The following KIF16B variants were observed in gnomAD, a reference collection of about 807,000 sequenced individuals.
KIF16B encodes kinesin-like protein KIF16B.
Under a neutral mutation model 156.3 loss-of-function variants are expected in KIF16B, and 98 were observed. The observed-to-expected ratio is 0.63, with a 90% CI of 0.53 to 0.74. The LOEUF (loss-of-function observed/expected upper bound fraction) is 0.74, where lower values mean the gene tolerates loss of function less well. Among genes scored for constraint, KIF16B ranks in the 30% least tolerant of loss-of-function variants. The probability of loss-of-function intolerance (pLI) is 0.00; values close to 1 mark genes in which losing one functional copy is unlikely to be tolerated. For synonymous variants in KIF16B, 564 were observed against 583.7 expected (o/e 0.97, Z 0.49); for missense variants, 1,421 against 1,606.5 (o/e 0.88, Z 1.97).
chr20:16,417,883 A>T (rs1205507182), intron 15 of KIF16B, among the ~76,000 whole-genome samples: 1 of 152,128 alleles, frequency 6.6e-6, no homozygotes, highest in African/African-American at 2.4e-5. Flanking sequence ...GCCTCAAGGA[A>T]CTGTGAGACA....
intron 22 of KIF16B, chr20:16,369,376 G>A: frequency 1.2e-6 from 1 of 813,840 alleles, no homozygotes; most frequent in Middle Eastern, 6.3e-4. Context: ...TTAATTCAGA[G>A]GTTAAATAAA....
chr20:16,297,683 G>A (rs1011787585), intron 25 of KIF16B, among the ~76,000 whole-genome samples: 1 of 142,096 alleles, frequency 7.0e-6, no homozygotes, highest in Non-Finnish European at 1.5e-5. Context: ...GCGACAGAGT[G>A]AGACTCCATC....
At chr20:16,532,533 C>A (rs1349581918) in intron 1 of KIF16B, among the ~76,000 whole-genome samples, 2 of 152,154 alleles carry the variant, frequency 1.3e-5, no homozygotes, top group Non-Finnish European at 2.9e-5. Context: ...AAAACAAATA[C>A]TTCATAAAAT....
intron 17 of KIF16B, among the ~76,000 whole-genome samples, chr20:16,383,472 A>C (rs1319019172): frequency 6.6e-6 from 1 of 152,224 alleles, no homozygotes; most frequent in Non-Finnish European, 1.5e-5. Context: ...TATTCTACTG[A>C]CAAATGGAAA....
At chr20:16,448,304 A>C (rs529392172) in intron 12 of KIF16B, among the ~76,000 whole-genome samples, 1 of 152,348 alleles carries the variant, frequency 6.6e-6, no homozygotes, top group East Asian at 1.9e-4. Context: ...TGTTTATGCT[A>C]AGATAAAAAA....
intron 1 of KIF16B, among the ~76,000 whole-genome samples, chr20:16,567,761 T>G (rs555821752): frequency 6.6e-6 from 1 of 152,196 alleles, no homozygotes; most frequent in South Asian, 2.1e-4. Flanking sequence ...CCATCCTGGC[T>G]AACACAGTGA....
intron 11 of KIF16B, among the ~76,000 whole-genome samples, chr20:16,495,387 G>A (rs1421365084): frequency 6.6e-6 from 1 of 152,026 alleles, no homozygotes; most frequent in African/African-American, 2.4e-5. Context: ...AACTGGAAAG[G>A]GTATTCAAGG....
At chr20:16,569,078 G>A (rs6075072) in intron 1 of KIF16B, among the ~76,000 whole-genome samples, 124,507 of 151,988 alleles carry the variant, frequency 0.82, 51,414 homozygotes, top group African/African-American at 0.92. Flanking sequence ...GTTTGCTCCT[G>A]CCACGTGAGT....
chr20:16,382,171 GCA>G, intron 17 of KIF16B: 1 of 1,234,152 alleles, frequency 8.1e-7, no homozygotes, highest in Non-Finnish European at 1.1e-6. Context: ...GAGAGAGAGA[GCA>G]CAGACATCAA....
At chr20:16,406,350 T>A (rs367871182) in intron 16 of KIF16B, 24 bp downstream of exon 16, 1 of 1,606,616 alleles carries the variant, frequency 6.2e-7, no homozygotes, top group South Asian at 1.1e-5. Flanking sequence ...AGTGGTTCCC[T>A]CCTAGAGACG....
At chr20:16,517,211 T>G (rs6044052) in intron 3 of KIF16B, among the ~76,000 whole-genome samples, 34,529 of 152,202 alleles carry the variant, frequency 0.23, 4,497 homozygotes, top group East Asian at 0.36. Flanking sequence ...TTCTACAGAC[T>G]TTGTTTCCTC....
At chr20:16,412,543 TTAA>T (rs1305530350) in intron 15 of KIF16B, among the ~76,000 whole-genome samples, 1 of 152,098 alleles carries the variant, frequency 6.6e-6, no homozygotes, top group Non-Finnish European at 1.5e-5. Flanking sequence ...CTCAGAAAAC[TTAA>T]TAATCAAGGT....
intron 1 of KIF16B, among the ~76,000 whole-genome samples, chr20:16,556,022 G>A (rs2070835503): frequency 1.3e-5 from 2 of 152,180 alleles, no homozygotes; most frequent in Admixed American, 1.3e-4. Context: ...TTGCCTTGGA[G>A]TATTCCTAAA....
chr20:16,450,985 C>T (rs1019946321), intron 12 of KIF16B, among the ~76,000 whole-genome samples: 2 of 152,138 alleles, frequency 1.3e-5, no homozygotes, highest in African/African-American at 2.4e-5. Flanking sequence ...GAGAGTGCCG[C>T]GCATCTTCTG....
chr20:16,317,577 C>A (rs1300477692), intron 24 of KIF16B, among the ~76,000 whole-genome samples: 4 of 152,178 alleles, frequency 2.6e-5, no homozygotes, highest in African/African-American at 9.7e-5. Flanking sequence ...TTCTGCAAAA[C>A]CATAAAAATT....
chr20:16,546,751 T>C (rs2070421358), intron 1 of KIF16B, among the ~76,000 whole-genome samples: 1 of 152,086 alleles, frequency 6.6e-6, no homozygotes, highest in South Asian at 2.1e-4. Flanking sequence ...ACACAAAAAT[T>C]CTTTCACTTA....
intron 1 of KIF16B, among the ~76,000 whole-genome samples, chr20:16,552,144 A>G (rs565898273): frequency 4.6e-5 from 7 of 152,250 alleles, no homozygotes; most frequent in African/African-American, 1.7e-4. Flanking sequence ...GCACATGGAC[A>G]CTTCCTCTGA....
chr20:16,415,540 C>T (rs999026465), intron 15 of KIF16B, among the ~76,000 whole-genome samples: 4 of 152,108 alleles, frequency 2.6e-5, no homozygotes, highest in African/African-American at 9.7e-5. Context: ...GTGGTCAGCA[C>T]AGACTTCCTT....
At chr20:16,440,768 G>A (rs922253181) in intron 12 of KIF16B, among the ~76,000 whole-genome samples, 1 of 151,986 alleles carries the variant, frequency 6.6e-6, no homozygotes, top group African/African-American at 2.4e-5. Context: ...AGAAACTCTT[G>A]GGGCAGTTCA....
Sources: allele counts gnomAD v4.1 joint callset (sites outside exome capture counted in the v4.1 genomes callset), GRCh38; gene constraint gnomAD v4.1.1; transcripts MANE v1.5; gene names NCBI Gene and HGNC (gene_info 2026-07-23, HGNC 2026-07-21).